The following RFX1 variants were observed in gnomAD, a reference collection of about 807,000 sequenced individuals.
The protein encoded by RFX1 is MHC class II regulatory factor RFX1.
A neutral mutation model predicts 119.6 loss-of-function variants in RFX1; 42 were observed. That is an observed-to-expected ratio of 0.35 (90% CI 0.27 to 0.45). The LOEUF (loss-of-function observed/expected upper bound fraction) is 0.45, where lower values mean the gene tolerates loss of function less well. Ranked by LOEUF, RFX1 falls within the 20% of genes least tolerant of loss-of-function variation. RFX1 has a pLI of 1.00. For missense variants in RFX1, 1,118 were observed against 1,368.1 expected (o/e 0.82, Z 2.88); for synonymous variants, 628 against 618.5 (o/e 1.02, Z -0.23).
rs113400276 is a variant in RFX1, at chr19:13,983,972, G to A, written c.320-377C>T. On this transcript the variant is annotated intron_variant, in intron 2 of 20. Transcript: ENST00000254325. ...CTGTCCACTCCAGGGTCCTGGCAGC[G>A]CTGGAAGGATCGAGGTGCTGGGGCC... Among the ~76,000 whole-genome samples the A allele has an allele frequency of 9.2e-3, 1,403 of 152,308 alleles. 24 individuals are homozygous for A. The highest frequency in any genetic ancestry group is 0.032 in the African/African-American group (1,320 of 41,558).
At position 13,962,563 on chromosome 19, in the gene RFX1, G is replaced by A. The variant is rs1248532141; in HGVS notation, c.*132C>T. ...CGGCCCCATAAGGGAGGAGGGCCCC[G>A]GTCTTCCCTGTCTCGGAGTCCCCCT... On this transcript the variant is annotated 3_prime_UTR_variant, in exon 21 of 21. Coordinates refer to ENST00000254325, the MANE Select transcript of RFX1 (RefSeq NM_002918.5). The A allele has an allele frequency of 4.1e-6, 3 of 727,772 alleles. No individual in the cohort carries two copies. The highest frequency in any genetic ancestry group is 3.8e-5 in the African/African-American group (2 of 52,760). 45.1% of individuals were successfully genotyped at this position (727,772 alleles called of 1,614,324 possible). A position where few individuals can be genotyped will look rare whatever the true frequency, so the allele number is the denominator to read the frequency against.
intron 9 of RFX1, among the ~76,000 whole-genome samples, chr19:13,971,652 C>T (rs930462430): frequency 1.3e-5 from 2 of 152,114 alleles, no homozygotes; most frequent in African/African-American, 4.8e-5. Context: ...GGGAGGATCG[C>T]CTGAGGCCAG....
Position 13,965,551 on chromosome 19 carries a change from G to A in RFX1, c.2114-5C>T, listed in dbSNP as rs766257825. 2.5e-6 allele frequency: 4 copies of A among 1,613,556 alleles called. No homozygotes were observed. In the Admixed American group the frequency reaches 6.7e-5, roughly 27 times the overall value. ...GGATCGCTTGGGTCAAGGCACCTGT[G>A]GGCGGTGGCGGGGGTCGGTCAGGGC... On this transcript the variant is annotated splice_region_variant and splice_polypyrimidine_tract_variant and intron_variant, in intron 15 of 20. Coordinates refer to ENST00000254325, the MANE Select transcript of RFX1 (RefSeq NM_002918.5). This position sits in a 1 kb window ranked among gnomAD's most constrained non-coding sequence, Gnocchi z 4.7.
At chr19:13,997,509 T>A (rs1344351728) in intron 1 of RFX1, among the ~76,000 whole-genome samples, 2 of 152,228 alleles carry the variant, frequency 1.3e-5, no homozygotes, top group Non-Finnish European at 1.5e-5. Context: ...CTCTGGCTCC[T>A]TCACTGCCCA....
intron 8 of RFX1, among the ~76,000 whole-genome samples, chr19:13,973,528 C>T (rs1350226951): frequency 6.6e-6 from 1 of 152,138 alleles, no homozygotes; most frequent in East Asian, 1.9e-4. Flanking sequence ...AGGAAGATCC[C>T]TTGAGTCCAG....
chr19:13,962,627 C>CA lies in RFX1; in HGVS notation c.*67dup. 2 of 1,306,570 alleles carry CA rather than the reference C, an allele frequency of 1.5e-6. No individual in the cohort carries two copies. Among genetic ancestry groups the CA allele is most frequent in the South Asian group, 2.9e-5 (2 of 68,190 alleles). 80.9% of individuals were successfully genotyped at this position (1,306,570 alleles called of 1,614,324 possible). ...GAGGCTGGAGCAGTGACCACGAAGC[C>CA]ACAGAAGCTTTGAGGGACCCTGGCG... On this transcript the variant is annotated 3_prime_UTR_variant, in exon 21 of 21. Transcript: ENST00000254325.
Position 13,979,468 on chromosome 19 carries a change from C to G in RFX1, c.813G>C (p.Gln271His). ...PVQPLTVQGL[Q>H]PVHVAQEVQQ... ...ACACCTCTTGAGCCACGTGGACTGG[C>G]TGGAGGCCCTGCACGGTCAGCGGCT... Residue 271 changes from glutamine to histidine, a missense_variant, in exon 7 of 21, where the codon CAG becomes CAC. Physicochemically the swap from Gln to His is conservative, Grantham distance 24. Transcript: ENST00000254325. 1.3e-6 allele frequency: 2 copies of G among 1,598,586 alleles called. No individual in the cohort carries two copies. The highest frequency in any genetic ancestry group is 1.7e-6 in the Non-Finnish European group (2 of 1,171,630).
intron 7 of RFX1, 51 bp from the exon 8 acceptor site, chr19:13,978,137 G>T: frequency 1.4e-6 from 2 of 1,399,746 alleles, no homozygotes; most frequent in Non-Finnish European, 1.0e-6. Flanking sequence ...CAGCTCCTAC[G>T]GTTCTCCCTC....
chr19:13,967,730 G>C (rs1397662240), intron 12 of RFX1, among the ~76,000 whole-genome samples: 1 of 152,002 alleles, frequency 6.6e-6, no homozygotes, highest in African/African-American at 2.4e-5. Flanking sequence ...CTCCAGCCTC[G>C]GCCTCCCAAA....
Position 14,000,324 on chromosome 19 carries a change from A to G in RFX1, c.-53+5779T>C, listed in dbSNP as rs537205480. 3.3e-5 allele frequency among the ~76,000 whole-genome samples: 5 copies of G among 152,266 alleles called. No individual in the cohort carries two copies. In the South Asian group the frequency reaches 1.0e-3, roughly 32 times the overall value. ...AACATGGCGAAACCCCGTCTCTACT[A>G]AAAATACAAAAATTAGCTGGGTGTG... On this transcript the variant is annotated intron_variant, in intron 1 of 20. Coordinates refer to ENST00000254325, the MANE Select transcript of RFX1 (RefSeq NM_002918.5).
At chr19:13,967,976 G>A (rs1192411932) in intron 12 of RFX1, among the ~76,000 whole-genome samples, 1 of 152,066 alleles carries the variant, frequency 6.6e-6, no homozygotes, top group Admixed American at 6.6e-5. Flanking sequence ...CATGTATGCC[G>A]GGCATGGTGG....
At position 13,984,036 on chromosome 19, in the gene RFX1, G is replaced by A. The variant is rs371175430; in HGVS notation, c.320-441C>T. 5.3e-5 allele frequency among the ~76,000 whole-genome samples: 8 copies of A among 152,150 alleles called. No homozygotes were observed. In the East Asian group the frequency reaches 1.4e-3, roughly 26 times the overall value. The stretch of plus-strand genomic sequence containing the variant: ...TGACCCTGGCTTCCCGGGAGTGGAA[G>A]CTGCTCGGAGGAGTGGTCCCTGGAA... On this transcript the variant is annotated intron_variant, in intron 2 of 20. Coordinates refer to ENST00000254325, the MANE Select transcript of RFX1 (RefSeq NM_002918.5).
intron 1 of RFX1, among the ~76,000 whole-genome samples, chr19:14,005,364 G>C (rs1183739365): frequency 6.6e-6 from 1 of 152,224 alleles, no homozygotes; most frequent in Non-Finnish European, 1.5e-5. Flanking sequence ...CAGAGAGAAG[G>C]TGGCAGGTTT....
upstream of RFX1, chr19:14,006,426 A>G (rs1599531487): frequency 6.6e-6 from 1 of 152,208 alleles, no homozygotes; most frequent in East Asian, 1.9e-4. Flanking sequence ...CTAAACTATT[A>G]GTTCCGATGC....
Position 13,970,065 on chromosome 19 carries a change from G to A in RFX1, c.1425C>T (p.Val475=). The A allele has an allele frequency of 6.2e-7, 1 of 1,614,164 alleles. No homozygotes were observed. The highest frequency in any genetic ancestry group is 2.2e-5 in the East Asian group (1 of 44,888). The stretch of plus-strand genomic sequence containing the variant: ...TGAGCTTGCCGAAGGAGGCGGCGTT[G>A]ACGGGCTCCAGCTTCTGCTCCTGGC... ...LHCQEQKLEP[V]NAASFGKLIR... Residue 475 remains valine (V), a synonymous_variant, in exon 10 of 21, where the codon GTC becomes GTT. Transcript: ENST00000254325.
chr19:13,972,148 G>A (rs1056537711), intron 9 of RFX1, among the ~76,000 whole-genome samples: 2 of 133,400 alleles, frequency 1.5e-5, no homozygotes, highest in Admixed American at 8.3e-5. Context: ...CAGCCTGGAC[G>A]ACAGAACAAA....
At chr19:13,963,412 G>A in intron 18 of RFX1, 126 bp downstream of exon 18, 6 of 1,425,384 alleles carry the variant, frequency 4.2e-6, no homozygotes, top group Non-Finnish European at 4.7e-6. Flanking sequence ...CCCGGCACAT[G>A]AGCCCAGGGC....
At chr19:13,967,828 T>TC in intron 12 of RFX1, among the ~76,000 whole-genome samples, 1 of 152,240 alleles carries the variant, frequency 6.6e-6, no homozygotes, top group Non-Finnish European at 1.5e-5. Context: ...GAGTGAGTGG[T>TC]CCTAGCCCTG....
chr19:13,994,827 CATAT>C (rs1174902940), intron 1 of RFX1, among the ~76,000 whole-genome samples: 1 of 139,168 alleles, frequency 7.2e-6, no homozygotes, highest in African/African-American at 2.7e-5. Context: ...TATACACACA[CATAT>C]ACACTGTATA....
Sources: gnomAD v4.1 joint callset for allele counts (sites outside exome capture counted in the v4.1 genomes callset) on GRCh38, gnomAD v4.1.1 for gene constraint, Gnocchi (gnomAD v3.1) non-coding constraint, MANE v1.5 for transcripts, NCBI Gene and HGNC (gene_info 2026-07-23, HGNC 2026-07-21) for gene names.